KCNIP4: variants seen among roughly 807,000 people sequenced by gnomAD.
The protein encoded by KCNIP4 is Kv channel-interacting protein 4.
A neutral mutation model predicts 34.0 loss-of-function variants in KCNIP4; 12 were observed. The observed-to-expected ratio is 0.35, with a 90% CI of 0.23 to 0.57. The LOEUF (loss-of-function observed/expected upper bound fraction) is 0.57, where lower values mean the gene tolerates loss of function less well. KCNIP4 is among the 20% of genes least tolerant of loss of function. KCNIP4 has a pLI of 0.83. For synonymous variants in KCNIP4, 124 were observed against 102.2 expected (o/e 1.21, Z -1.29); for missense variants, 238 against 311.7 (o/e 0.76, Z 1.78).
At chr4:21,129,736 G>A (rs1232006313) in intron 1 of KCNIP4, among the ~76,000 whole-genome samples, 2 of 152,142 alleles carry the variant, frequency 1.3e-5, no homozygotes, top group Non-Finnish European at 2.9e-5. Flanking sequence ...TTATAATATA[G>A]ATAGACAGAA....
intron 1 of KCNIP4, chr4:20,983,910 A>G (rs778233999): frequency 3.3e-6 from 5 of 1,535,996 alleles, no homozygotes; most frequent in East Asian, 2.4e-5. Context: ...TCGGACTCCC[A>G]CTCCAGAGTC....
chr4:21,020,904 G>C (rs778917980), intron 1 of KCNIP4, among the ~76,000 whole-genome samples: 67 of 152,156 alleles, frequency 4.4e-4, no homozygotes, highest in Admixed American at 1.4e-3. Context: ...AGTAGGTCAA[G>C]AATGAGAATC....
intron 1 of KCNIP4, among the ~76,000 whole-genome samples, chr4:21,878,756 A>G (rs1366689390): frequency 6.6e-6 from 1 of 152,214 alleles, no homozygotes; most frequent in Non-Finnish European, 1.5e-5. Flanking sequence ...ACAATGAAAT[A>G]TGGTCAGACA....
At chr4:21,770,638 G>A (rs553972578) in intron 1 of KCNIP4, among the ~76,000 whole-genome samples, 9 of 152,064 alleles carry the variant, frequency 5.9e-5, no homozygotes, top group Non-Finnish European at 8.8e-5. Context: ...TTTAATTACC[G>A]CCATTCTCAC....
At chr4:21,052,244 A>G (rs765262638) in intron 1 of KCNIP4, among the ~76,000 whole-genome samples, 3 of 152,144 alleles carry the variant, frequency 2.0e-5, no homozygotes, top group Non-Finnish European at 2.9e-5. Context: ...AAGAATTCCA[A>G]ACTCCTTGAG....
chr4:21,755,796 T>A (rs1717468326), intron 1 of KCNIP4, among the ~76,000 whole-genome samples: 1 of 152,154 alleles, frequency 6.6e-6, no homozygotes, highest in African/African-American at 2.4e-5. Flanking sequence ...AATATTGTTT[T>A]CAAAAAAAAG....
At chr4:21,425,655 C>A (rs1221683020) in intron 1 of KCNIP4, among the ~76,000 whole-genome samples, 1 of 152,072 alleles carries the variant, frequency 6.6e-6, no homozygotes, top group Non-Finnish European at 1.5e-5. Context: ...TACTATAATT[C>A]TTTCAGAAGT....
intron 1 of KCNIP4, among the ~76,000 whole-genome samples, chr4:21,416,333 A>C (rs1724952287): frequency 6.6e-6 from 1 of 152,166 alleles, no homozygotes; most frequent in Admixed American, 6.6e-5. Flanking sequence ...AAGATGTGGC[A>C]TGTCTAGTGT....
intron 1 of KCNIP4, among the ~76,000 whole-genome samples, chr4:21,210,111 G>A (rs1296776876): frequency 6.6e-6 from 1 of 152,182 alleles, no homozygotes; most frequent in Non-Finnish European, 1.5e-5. Flanking sequence ...GTTATTAACA[G>A]GAAGCAACTA....
intron 1 of KCNIP4, among the ~76,000 whole-genome samples, chr4:20,996,360 G>T (rs563338113): frequency 2.6e-5 from 4 of 152,058 alleles, no homozygotes; most frequent in African/African-American, 9.7e-5. Flanking sequence ...CATTATATTC[G>T]GGATAACATT....
intron 1 of KCNIP4, among the ~76,000 whole-genome samples, chr4:21,779,462 T>A (rs180755965): frequency 3.3e-5 from 5 of 152,310 alleles, no homozygotes; most frequent in Non-Finnish European, 7.4e-5. Context: ...GATAAGTATG[T>A]AACGTATTGG....
chr4:21,689,380 A>G (rs751186869), intron 1 of KCNIP4, among the ~76,000 whole-genome samples: 6 of 152,150 alleles, frequency 3.9e-5, no homozygotes, highest in East Asian at 1.9e-4. Flanking sequence ...TGTGCCAGCA[A>G]CAGAAATAAT....
intron 1 of KCNIP4, among the ~76,000 whole-genome samples, chr4:20,896,181 G>C (rs537031441): frequency 6.6e-6 from 1 of 152,130 alleles, no homozygotes; most frequent in Non-Finnish European, 1.5e-5. Context: ...CGGTTTGCCA[G>C]TTTCCTCTGT....
At chr4:20,988,550 CATT>C (rs1344215374) in intron 1 of KCNIP4, among the ~76,000 whole-genome samples, 1 of 152,170 alleles carries the variant, frequency 6.6e-6, no homozygotes, top group East Asian at 1.9e-4. Context: ...TGTTTGTTGA[CATT>C]ATAATAAATG....
At chr4:21,570,283 T>C (rs887081936) in intron 1 of KCNIP4, among the ~76,000 whole-genome samples, 5 of 152,056 alleles carry the variant, frequency 3.3e-5, no homozygotes, top group African/African-American at 9.7e-5. Context: ...GGCAGAGATG[T>C]AGAGGTTTTA....
intron 1 of KCNIP4, among the ~76,000 whole-genome samples, chr4:21,258,464 C>G (rs1046920051): frequency 6.6e-6 from 1 of 152,122 alleles, no homozygotes; most frequent in Non-Finnish European, 1.5e-5. Flanking sequence ...CACTTCCAAG[C>G]TCTACCCATA....
chr4:21,159,451 G>C lies in KCNIP4; in HGVS notation c.62-276742C>G, dbSNP rs1403140400. Reference sequence around the variant, plus strand: ...CCGGTCTACAGCTCCCAGCGTGAGCGACGCAGAAGACGGTGATTTCTGCAT... The same window carrying C: ...CCGGTCTACAGCTCCCAGCGTGAGCCACGCAGAAGACGGTGATTTCTGCAT... On this transcript the variant is annotated intron_variant, in intron 1 of 8. Coordinates refer to ENST00000382152, the MANE Select transcript of KCNIP4 (RefSeq NM_025221.6). 1.5e-4 allele frequency among the ~76,000 whole-genome samples: 3 copies of C among 20,418 alleles called. 1 individual carries two copies. The highest frequency in any genetic ancestry group is 7.4e-4 in the East Asian group (1 of 1,352). 13.4% of individuals were successfully genotyped at this position (20,418 alleles called of 152,430 possible).
At chr4:21,276,090 T>G (rs1373819518) in intron 1 of KCNIP4, among the ~76,000 whole-genome samples, 1 of 152,218 alleles carries the variant, frequency 6.6e-6, no homozygotes, top group Non-Finnish European at 1.5e-5. Flanking sequence ...TAGAACTTCC[T>G]CAAGCAAATG....
chr4:21,661,849 G>T (rs1748478670), intron 1 of KCNIP4, among the ~76,000 whole-genome samples: 1 of 152,174 alleles, frequency 6.6e-6, no homozygotes, highest in Admixed American at 6.5e-5. Context: ...CAAAGGCAAA[G>T]AAGAAAATAC....
Sources: gnomAD v4.1 joint callset for allele counts (sites outside exome capture counted in the v4.1 genomes callset) on GRCh38, gnomAD v4.1.1 for gene constraint, MANE v1.5 for transcripts, NCBI Gene and HGNC (gene_info 2026-07-23, HGNC 2026-07-21) for gene names.